SCHIP1: variants seen among roughly 807,000 people sequenced by gnomAD.
The protein encoded by SCHIP1 is schwannomin interacting protein 1.
SCHIP1 carries 8 observed loss-of-function variants against 29.7 expected under a neutral mutation model. That is an observed-to-expected ratio of 0.27 (90% confidence interval 0.16 to 0.49). SCHIP1 has a LOEUF of 0.49. Among genes scored for constraint, SCHIP1 ranks in the 20% least tolerant of loss-of-function variants. The probability of loss-of-function intolerance (pLI) is 0.99; values close to 1 mark genes in which losing one functional copy is unlikely to be tolerated. For missense variants in SCHIP1, 193 were observed against 294.6 expected (o/e 0.66, Z 2.52); for synonymous variants, 76 against 94.9 (o/e 0.80, Z 1.16).
chr3:159,410,522 A>T, the SCHIP1 span, among the ~76,000 whole-genome samples: 1 of 152,208 alleles, frequency 6.6e-6, no homozygotes, highest in African/African-American at 2.4e-5. Context: ...CAGGCCTATG[A>T]AAAAGTGCTC....
chr3:159,619,587 A>G, the SCHIP1 span, among the ~76,000 whole-genome samples: 1 of 152,258 alleles, frequency 6.6e-6, no homozygotes, highest in Non-Finnish European at 1.5e-5. Context: ...GTAAATGGAT[A>G]ACCTTTGGCT....
the SCHIP1 span, among the ~76,000 whole-genome samples, chr3:159,287,809 A>G: frequency 2.0e-5 from 3 of 152,244 alleles, no homozygotes. Flanking sequence ...CCAGCTCAGC[A>G]TGCTGGATCT....
the SCHIP1 span, among the ~76,000 whole-genome samples, chr3:159,577,624 A>G: frequency 6.6e-6 from 1 of 152,174 alleles, no homozygotes; most frequent in African/African-American, 2.4e-5. Flanking sequence ...ATTATGGAAA[A>G]TCATCAGGCA....
the SCHIP1 span, among the ~76,000 whole-genome samples, chr3:159,607,068 T>C: frequency 1.3e-5 from 2 of 152,234 alleles, no homozygotes; most frequent in African/African-American, 2.4e-5. Context: ...CGGGCTAAAC[T>C]GCAAAAGAAC....
chr3:159,743,926 T>C, the SCHIP1 span, among the ~76,000 whole-genome samples: 1 of 152,154 alleles, frequency 6.6e-6, no homozygotes, highest in Non-Finnish European at 1.5e-5. Flanking sequence ...AAATAACTAG[T>C]TAAATGAACA....
chr3:159,543,829 C>T, the SCHIP1 span, among the ~76,000 whole-genome samples: 1 of 152,110 alleles, frequency 6.6e-6, no homozygotes, highest in South Asian at 2.1e-4. Flanking sequence ...TTTACAGTCC[C>T]ACCAACAGTG....
the SCHIP1 span, among the ~76,000 whole-genome samples, chr3:159,766,133 T>C: frequency 2.0e-5 from 3 of 152,216 alleles, no homozygotes; most frequent in Non-Finnish European, 4.4e-5. Context: ...TAATTAGGGC[T>C]GAAGGGCGTA....
the SCHIP1 span, among the ~76,000 whole-genome samples, chr3:159,699,895 G>C: frequency 6.6e-6 from 1 of 152,248 alleles, no homozygotes; most frequent in South Asian, 2.1e-4. Flanking sequence ...TTCCAAGTTA[G>C]GCAAAGAAGG....
the SCHIP1 span, among the ~76,000 whole-genome samples, chr3:159,588,824 A>G: frequency 6.6e-6 from 1 of 151,618 alleles, no homozygotes; most frequent in East Asian, 1.9e-4. Flanking sequence ...ATTGGTCTAT[A>G]TCTGTTTTGG....
the SCHIP1 span, among the ~76,000 whole-genome samples, chr3:159,579,574 G>C: frequency 6.6e-6 from 1 of 152,182 alleles, no homozygotes; most frequent in Non-Finnish European, 1.5e-5. Flanking sequence ...CCAGATAGGA[G>C]ACAAAAAATA....
chr3:159,860,712 C>T (rs116743987), intron 1 of SCHIP1, among the ~76,000 whole-genome samples: 3 of 152,314 alleles, frequency 2.0e-5, no homozygotes, highest in Non-Finnish European at 4.4e-5. Flanking sequence ...GGGGGAAACA[C>T]TTTTCTTTCT....
At chr3:159,395,653 A>G in the SCHIP1 span, among the ~76,000 whole-genome samples, 2 of 152,082 alleles carry the variant, frequency 1.3e-5, no homozygotes, top group Admixed American at 6.6e-5. Context: ...TTAATCCTGC[A>G]TTCTAGTTTG....
chr3:159,680,735 A>ATATTATATATAATATATG, the SCHIP1 span, among the ~76,000 whole-genome samples: 1 of 102,152 alleles, frequency 9.8e-6, no homozygotes, highest in Non-Finnish European at 1.8e-5. Flanking sequence ...TATATAATAT[A>ATATTATATATAATATATG]CATATATAAT....
the SCHIP1 span, among the ~76,000 whole-genome samples, chr3:159,719,109 C>T: frequency 6.6e-6 from 1 of 152,064 alleles, no homozygotes; most frequent in African/African-American, 2.4e-5. Context: ...CTTTGACAAA[C>T]CTGACAAAAA....
At chr3:159,586,131 G>GA in the SCHIP1 span, among the ~76,000 whole-genome samples, 1,249 of 146,570 alleles carry the variant, frequency 8.5e-3, 16 homozygotes, top group African/African-American at 0.025. Flanking sequence ...TTTGCAATTG[G>GA]AAAAAAAAAA....
At chr3:159,867,820 A>G (rs1260476418) in intron 2 of SCHIP1, among the ~76,000 whole-genome samples, 1 of 152,040 alleles carries the variant, frequency 6.6e-6, no homozygotes, top group Non-Finnish European at 1.5e-5. Context: ...TTGTGAAATG[A>G]GAGCATTGGA....
chr3:159,401,346 G>A, the SCHIP1 span: 2 of 970,266 alleles, frequency 2.1e-6, no homozygotes, highest in African/African-American at 1.8e-5. Context: ...TCTAGACTAA[G>A]TGGGATGTAG....
chr3:159,717,858 G>A, the SCHIP1 span, among the ~76,000 whole-genome samples: 1 of 152,106 alleles, frequency 6.6e-6, no homozygotes, highest in Non-Finnish European at 1.5e-5. Context: ...GAAAAAGAGG[G>A]AGTCCTCCCT....
chr3:159,496,393 C>G, the SCHIP1 span, among the ~76,000 whole-genome samples: 2 of 151,932 alleles, frequency 1.3e-5, no homozygotes, highest in South Asian at 4.2e-4. Context: ...ACAATGAACT[C>G]AAACAAATTT....
Sources: gnomAD v4.1 joint callset for allele counts (sites outside exome capture counted in the v4.1 genomes callset) on GRCh38, gnomAD v4.1.1 for gene constraint, MANE v1.5 for transcripts, NCBI Gene and HGNC (gene_info 2026-07-23, HGNC 2026-07-21) for gene names.